Variants in CEP112 observed in about 807,000 individuals in gnomAD.
CEP112 encodes centrosomal protein of 112 kDa.
Under a neutral mutation model 153.0 loss-of-function variants are expected in CEP112, and 127 were observed. That is an observed-to-expected ratio of 0.83 (90% confidence interval 0.72 to 0.96). The LOEUF is 0.96. CEP112 is among the 40% of genes least tolerant of loss of function. The pLI, the probability that CEP112 is intolerant of heterozygous loss-of-function variation, is 0.00. For synonymous variants in CEP112, 358 were observed against 374.4 expected, an observed-to-expected ratio of 0.96 and a Z score of 0.51; for missense variants, 1,089 against 1,101.2, an observed-to-expected ratio of 0.99 and a Z score of 0.16.
chr17:65,820,370 C>CT (rs1432147169), intron 21 of CEP112, among the ~76,000 whole-genome samples: 2 of 152,010 alleles, frequency 1.3e-5, no homozygotes, highest in Non-Finnish European at 2.9e-5. Flanking sequence ...TTTTCTAGTT[C>CT]TTTTTTTACC....
At chr17:66,069,666 TAAAG>T (rs2067241486) in intron 9 of CEP112, among the ~76,000 whole-genome samples, 1 of 152,110 alleles carries the variant, frequency 6.6e-6, no homozygotes, top group South Asian at 2.1e-4. Flanking sequence ...ATGCAATAGT[TAAAG>T]AAGGACTAAA....
At chr17:65,722,929 G>A (rs2049973227) in intron 23 of CEP112, among the ~76,000 whole-genome samples, 1 of 152,234 alleles carries the variant, frequency 6.6e-6, no homozygotes, top group Non-Finnish European at 1.5e-5. Context: ...TTTGTGAACA[G>A]CAAGGCTGAA....
chr17:66,059,788 A>G (rs2066849631), intron 11 of CEP112, among the ~76,000 whole-genome samples: 1 of 152,216 alleles, frequency 6.6e-6, no homozygotes. Context: ...CAACAATCCC[A>G]TTACTGGGTA....
chr17:65,810,246 A>T (rs373654033), intron 21 of CEP112, among the ~76,000 whole-genome samples: 17 of 152,322 alleles, frequency 1.1e-4, no homozygotes, highest in East Asian at 7.7e-4. Flanking sequence ...GGATTGCAAC[A>T]GAGCATTTAC....
chr17:65,847,088 C>G (rs2057754332), intron 21 of CEP112, among the ~76,000 whole-genome samples: 1 of 152,162 alleles, frequency 6.6e-6, no homozygotes, highest in Non-Finnish European at 1.5e-5. Context: ...ACCAACTGGA[C>G]AAAAACCGAA....
chr17:65,694,594 A>G (rs1363179076), intron 23 of CEP112, among the ~76,000 whole-genome samples: 1 of 152,248 alleles, frequency 6.6e-6, no homozygotes, highest in East Asian at 1.9e-4. Context: ...AAAAACTGAA[A>G]AGTCACCAAA....
chr17:65,696,155 T>C (rs1427302916), intron 23 of CEP112, among the ~76,000 whole-genome samples: 1 of 152,156 alleles, frequency 6.6e-6, no homozygotes, highest in Admixed American at 6.5e-5. Flanking sequence ...TCTTGCCCCC[T>C]TTTAGAGAGT....
chr17:65,852,082 T>C lies in CEP112; in HGVS notation c.2164-48A>G, dbSNP rs778400898. ...TGGGCAGAAGATATCAATAGGGAAGTCACAAAAGAAGAACCAATGGGCAAA... is the reference window on the plus strand; with the variant it reads ...TGGGCAGAAGATATCAATAGGGAAGCCACAAAAGAAGAACCAATGGGCAAA... On this transcript the variant is annotated intron_variant, in intron 20 of 26. Transcript: ENST00000535342. The C allele has an allele frequency of 3.7e-6, 5 of 1,366,030 alleles. No homozygotes were observed. In the African/African-American group the frequency reaches 7.2e-5, roughly 20 times the overall value. 84.6% of individuals were successfully genotyped at this position (1,366,030 alleles called of 1,614,324 possible). A position where few individuals can be genotyped will look rare whatever the true frequency, so the allele number is the denominator to read the frequency against.
chr17:65,640,154 A>ATATTTT (rs1300751452), intron 25 of CEP112, among the ~76,000 whole-genome samples: 1,418 of 78,166 alleles, frequency 0.018, 53 homozygotes, highest in East Asian at 0.17. Context: ...ATATATATAT[A>ATATTTT]TTTTTTTTTT....
chr17:65,643,005 T>C (rs1445413261), intron 24 of CEP112, among the ~76,000 whole-genome samples: 1 of 152,204 alleles, frequency 6.6e-6, no homozygotes, highest in Non-Finnish European at 1.5e-5. Flanking sequence ...TTCTTTCCCT[T>C]ATCCCCTCTT....
intron 21 of CEP112, among the ~76,000 whole-genome samples, chr17:65,800,373 G>A (rs116530771): frequency 6.6e-6 from 1 of 151,934 alleles, no homozygotes; most frequent in Non-Finnish European, 1.5e-5. Flanking sequence ...GTGTGCTTTT[G>A]TGTCCAGATT....
intron 24 of CEP112, among the ~76,000 whole-genome samples, chr17:65,645,040 C>CT: frequency 6.6e-6 from 1 of 151,896 alleles, no homozygotes; most frequent in East Asian, 1.9e-4. Context: ...ATTGTGTGCC[C>CT]TTTCTACCTT....
At chr17:66,159,024 A>G (rs2071576407) in intron 4 of CEP112, among the ~76,000 whole-genome samples, 1 of 152,246 alleles carries the variant, frequency 6.6e-6, no homozygotes. Context: ...GGATATCACC[A>G]CTGATCACAC....
At position 66,096,312 on chromosome 17, in the gene CEP112, C is replaced by T. The variant is rs982804392; in HGVS notation, c.707G>A (p.Ser236Asn). 3 of 1,613,318 alleles carry T rather than the reference C, an allele frequency of 1.9e-6. No homozygotes were observed. The highest frequency in any genetic ancestry group is 2.5e-6 in the Non-Finnish European group (3 of 1,179,632). Residue 236 changes from serine (S) to asparagine (N), a missense_variant, in exon 8 of 27, where the codon AGC (serine) becomes AAC (asparagine). Transcript: ENST00000535342. ...IPVSLMTPKF[S>N]LRKSSSFHDD... is the part of the protein sequence containing the mutation. ...ATGGAAACTGCTGGATTTTCTCAGG[C>T]TGAATTTCGGTGTCATCTGCTAAAT...
chr17:65,731,709 T>C (rs1051362142), intron 23 of CEP112, among the ~76,000 whole-genome samples: 1 of 152,214 alleles, frequency 6.6e-6, no homozygotes, highest in African/African-American at 2.4e-5. Context: ...TAAGTTGATA[T>C]AATATTCTAA....
intron 24 of CEP112, among the ~76,000 whole-genome samples, chr17:65,674,402 G>A (rs1373866272): frequency 6.6e-6 from 1 of 152,200 alleles, no homozygotes; most frequent in Non-Finnish European, 1.5e-5. Context: ...CTGGCATGTG[G>A]GGACATTTTT....
intron 19 of CEP112, chr17:65,913,776 A>G: frequency 1.0e-6 from 1 of 985,432 alleles, no homozygotes; most frequent in Non-Finnish European, 1.2e-6. Context: ...CTCATGATAC[A>G]GGGAGAGCAG....
intron 17 of CEP112, among the ~76,000 whole-genome samples, chr17:65,973,198 A>G (rs78733215): frequency 0.066 from 10,047 of 152,302 alleles, 485 homozygotes; most frequent in African/African-American, 0.12. Flanking sequence ...TTAGAAAAAG[A>G]TTTCCTAGAT....
At chr17:65,712,889 T>G (rs1217384509) in intron 23 of CEP112, among the ~76,000 whole-genome samples, 1 of 152,140 alleles carries the variant, frequency 6.6e-6, no homozygotes, top group African/African-American at 2.4e-5. Flanking sequence ...AGAACTATAA[T>G]GAGGCTTGCA....
Sources: gnomAD v4.1 joint callset for allele counts (sites outside exome capture counted in the v4.1 genomes callset) on GRCh38, gnomAD v4.1.1 for gene constraint, MANE v1.5 for transcripts, NCBI Gene and HGNC (gene_info 2026-07-23, HGNC 2026-07-21) for gene names.